The following TTC8 variants were observed in gnomAD, a reference collection of about 807,000 sequenced individuals.
TTC8 encodes tetratricopeptide repeat protein 8.
A neutral mutation model predicts 72.5 loss-of-function variants in TTC8; 47 were observed. That is an observed-to-expected ratio of 0.65 (90% CI 0.51 to 0.83). The LOEUF (loss-of-function observed/expected upper bound fraction) is 0.83, where lower values mean the gene tolerates loss of function less well. Among genes scored for constraint, TTC8 ranks in the 40% least tolerant of loss-of-function variants. The pLI is 0.00. For missense variants in TTC8, 611 were observed against 623.2 expected (o/e 0.98, Z 0.21); for synonymous variants, 199 against 221.4 (o/e 0.90, Z 0.90).
At position 88,841,556 on chromosome 14, in the gene TTC8, A is replaced by G. The variant is rs1225318682; in HGVS notation, c.579+42A>G. ...ATTTTGAGTTATGAAGTAATATTAC[A>G]CGTATGATGATAATGACAAATTAGA... On this transcript the variant is annotated intron_variant, in intron 6 of 14. Coordinates refer to ENST00000380656, the MANE Select transcript of TTC8 (RefSeq NM_144596.4). 5.5e-6 allele frequency: 8 copies of G among 1,449,018 alleles called. No individual in the cohort carries two copies. The highest frequency in any genetic ancestry group is 7.8e-6 in the Non-Finnish European group (8 of 1,030,352). The allele number at this position is 1,449,018 out of a possible 1,614,324, so 89.8% of individuals were successfully genotyped here. A position where few individuals can be genotyped will look rare whatever the true frequency, so the allele number is the denominator to read the frequency against.
At chr14:88,837,764 TG>T (rs374450691) in intron 2 of TTC8, among the ~76,000 whole-genome samples, 6 of 152,212 alleles carry the variant, frequency 3.9e-5, no homozygotes, top group African/African-American at 1.4e-4. Context: ...CCCCGATCCC[TG>T]GGAACAGTTG....
At chr14:88,872,027 G>A (rs1012034031) in intron 12 of TTC8, among the ~76,000 whole-genome samples, 5 of 152,132 alleles carry the variant, frequency 3.3e-5, no homozygotes, top group African/African-American at 1.2e-4. Flanking sequence ...ACTCCAGCCT[G>A]GGTGACAAAG....
rs74079405 is a variant in TTC8 at position 88,870,758 on chromosome 14, C to T, written c.1049+560C>T. On this transcript the variant is annotated intron_variant, in intron 11 of 14. Coordinates refer to ENST00000380656, the MANE Select transcript of TTC8 (RefSeq NM_144596.4). ...TTAATTTTTAAATTATGATTTCCTC[C>T]TTAGCCCTTGGGTAATATAGAAAGA... Among the ~76,000 whole-genome samples the T allele has an allele frequency of 9.3e-3, 1,417 of 152,226 alleles. 22 individuals carry two copies. Among genetic ancestry groups the T allele is most frequent in the African/African-American group, 0.03 (1,250 of 41,532 alleles).
intron 14 of TTC8, 117 bp from the exon 15 acceptor site, chr14:88,877,172 AAAAAG>A (rs1168784946): frequency 1.3e-6 from 1 of 765,272 alleles, no homozygotes; most frequent in African/African-American, 1.8e-5. Context: ...TTGTTAAAAA[AAAAAG>A]AAAAGAACCC....
intron 7 of TTC8, among the ~76,000 whole-genome samples, chr14:88,848,302 G>A (rs546945687): frequency 6.6e-6 from 1 of 151,876 alleles, no homozygotes; most frequent in South Asian, 2.1e-4. Flanking sequence ...TGGACTTTGA[G>A]TTTTATATTT....
At chr14:88,876,611 A>G (rs998016304) in intron 14 of TTC8, among the ~76,000 whole-genome samples, 1 of 152,122 alleles carries the variant, frequency 6.6e-6, no homozygotes, top group African/African-American at 2.4e-5. Flanking sequence ...TATTGCATGT[A>G]CCTCATAAAT....
chr14:88,831,729 T>C (rs1237281715), intron 1 of TTC8, among the ~76,000 whole-genome samples: 5 of 152,224 alleles, frequency 3.3e-5, no homozygotes, highest in Non-Finnish European at 7.3e-5. Flanking sequence ...TATATTTTTC[T>C]TAAAGGATTG....
At chr14:88,874,920 G>A in intron 13 of TTC8, 106 bp from the exon 14 acceptor site, 1 of 755,720 alleles carries the variant, frequency 1.3e-6, no homozygotes, top group Non-Finnish European at 2.2e-6. Flanking sequence ...TGTTATTAAA[G>A]TCCTGTCATA....
At chr14:88,840,991 C>T (rs1283633727) in intron 4 of TTC8, 46 bp from the exon 5 acceptor site, 2 of 1,613,678 alleles carry the variant, frequency 1.2e-6, no homozygotes, top group Non-Finnish European at 1.7e-6. Context: ...GAGAGTCTTT[C>T]CTCAAATGAT....
chr14:88,866,412 CACGCACACACAA>C (rs1179266885), intron 10 of TTC8, among the ~76,000 whole-genome samples: 3 of 151,332 alleles, frequency 2.0e-5, no homozygotes, highest in Admixed American at 6.6e-5. Context: ...CACACACACA[CACGCACACACAA>C]ATTCTCATCT....
intron 1 of TTC8, among the ~76,000 whole-genome samples, chr14:88,831,642 C>T (rs1195123250): frequency 6.6e-6 from 1 of 151,908 alleles, no homozygotes; most frequent in Non-Finnish European, 1.5e-5. Flanking sequence ...GGCTCATGAA[C>T]ATGTGGTAAG....
intron 1 of TTC8, among the ~76,000 whole-genome samples, chr14:88,828,110 T>C (rs1291997404): frequency 6.6e-6 from 1 of 152,226 alleles, no homozygotes; most frequent in Non-Finnish European, 1.5e-5. Flanking sequence ...CACCATATGT[T>C]CTTAAATGTA....
chr14:88,869,679 TC>T (rs1320512965), intron 10 of TTC8, among the ~76,000 whole-genome samples: 3 of 152,084 alleles, frequency 2.0e-5, no homozygotes, highest in African/African-American at 7.2e-5. Flanking sequence ...AGAGTGAGCT[TC>T]CCCCAGATAT....
At chr14:88,847,644 A>G (rs1248941218) in intron 7 of TTC8, among the ~76,000 whole-genome samples, 1 of 152,178 alleles carries the variant, frequency 6.6e-6, no homozygotes, top group Non-Finnish European at 1.5e-5. Context: ...AAACTAGCAA[A>G]CATTAGGGTA....
intron 3 of TTC8, among the ~76,000 whole-genome samples, chr14:88,839,802 G>T (rs1293942962): frequency 6.6e-6 from 1 of 152,098 alleles, no homozygotes; most frequent in Non-Finnish European, 1.5e-5. Flanking sequence ...TAAGGTATGA[G>T]ATTGATGTAT....
At chr14:88,861,914 C>G (rs969703677) in intron 10 of TTC8, among the ~76,000 whole-genome samples, 1 of 152,188 alleles carries the variant, frequency 6.6e-6, no homozygotes, top group Non-Finnish European at 1.5e-5. Context: ...GATTCCACAT[C>G]TTGGCTATTG....
chr14:88,851,177 A>G (rs2094831934), intron 7 of TTC8, among the ~76,000 whole-genome samples: 1 of 152,170 alleles, frequency 6.6e-6, no homozygotes, highest in South Asian at 2.1e-4. Context: ...AAAACTGTTT[A>G]ATGAGATTTT....
At chr14:88,834,049 A>T in intron 2 of TTC8, 1 of 348,838 alleles carries the variant, frequency 2.9e-6, no homozygotes, top group South Asian at 3.0e-5. Context: ...GGAGCGGGAG[A>T]GTCAGCGGAA....
intron 4 of TTC8, 23 bp from the exon 5 acceptor site, chr14:88,841,014 A>G (rs1400778554): frequency 1.9e-6 from 3 of 1,613,954 alleles, no homozygotes; most frequent in African/African-American, 1.3e-5. Flanking sequence ...TCTTTGTATT[A>G]TAACAATTTA....
Sources: gnomAD v4.1 joint callset for allele counts (sites outside exome capture counted in the v4.1 genomes callset) on GRCh38, gnomAD v4.1.1 for gene constraint, MANE v1.5 for transcripts, NCBI Gene and HGNC (gene_info 2026-07-23, HGNC 2026-07-21) for gene names.